The following NRG3 variants were observed in gnomAD, a reference collection of about 807,000 sequenced individuals.
NRG3 encodes the protein pro-neuregulin-3, membrane-bound isoform.
A neutral mutation model predicts 66.9 loss-of-function variants in NRG3; 31 were observed. The ratio of observed to expected loss-of-function variants is 0.46; its 90% CI spans 0.35 to 0.63. The LOEUF (loss-of-function observed/expected upper bound fraction) is 0.63. Among genes scored for constraint, NRG3 ranks in the 20% least tolerant of loss-of-function variants. The probability of loss-of-function intolerance (pLI) is 0.00; values close to 1 mark genes in which losing one functional copy is unlikely to be tolerated. For synonymous variants in NRG3, 393 were observed against 359.4 expected (o/e 1.09, Z -1.06); for missense variants, 910 against 878.9 (o/e 1.04, Z -0.45).
At chr10:81,971,111 G>A (rs2059917586) in intron 1 of NRG3, among the ~76,000 whole-genome samples, 1 of 152,178 alleles carries the variant, frequency 6.6e-6, no homozygotes, top group Admixed American at 6.6e-5. Flanking sequence ...TTGCACTCCA[G>A]CCTAGGCAAC....
At chr10:82,686,651 A>G (rs1038171942) in intron 2 of NRG3, among the ~76,000 whole-genome samples, 2 of 152,192 alleles carry the variant, frequency 1.3e-5, no homozygotes. Flanking sequence ...CCGCAGTCAT[A>G]TACGCAGTCT....
chr10:82,412,713 G>C lies in NRG3; in HGVS notation c.953+53845G>C, dbSNP rs531682771. ...CTACAGCAGAACTGCTTTCAAAATT[G>C]GAGTCAATCCTCTCAACTACTGCCA... is the stretch of plus-strand genomic sequence containing the variant. On this transcript the variant is annotated intron_variant, in intron 2 of 8. Transcript: ENST00000372141. Among the ~76,000 whole-genome samples, 60 of 152,242 alleles carry C rather than the reference G, an allele frequency of 3.9e-4. 1 individual carries two copies. In the South Asian group the frequency reaches 0.012, roughly 31 times the overall value.
At chr10:82,154,377 A>G (rs1242732792) in intron 1 of NRG3, among the ~76,000 whole-genome samples, 2 of 151,988 alleles carry the variant, frequency 1.3e-5, no homozygotes, top group East Asian at 3.9e-4. Context: ...AAATCAATTG[A>G]CTATAAATGT....
chr10:82,675,364 C>G (rs2053609563), intron 2 of NRG3, among the ~76,000 whole-genome samples: 1 of 152,098 alleles, frequency 6.6e-6, no homozygotes, highest in Admixed American at 6.6e-5. Context: ...GGAAATGTTC[C>G]TCCTGTGTGC....
At chr10:81,969,122 G>A (rs922228545) in intron 1 of NRG3, among the ~76,000 whole-genome samples, 8 of 152,108 alleles carry the variant, frequency 5.3e-5, no homozygotes, top group Admixed American at 3.3e-4. Context: ...GTAAGAGAAG[G>A]ACATGACCGT....
intron 1 of NRG3, among the ~76,000 whole-genome samples, chr10:82,343,506 T>C (rs1474594379): frequency 6.6e-6 from 1 of 152,098 alleles, no homozygotes; most frequent in Non-Finnish European, 1.5e-5. Flanking sequence ...TTTGATTACA[T>C]TACCAATGTC....
intron 2 of NRG3, among the ~76,000 whole-genome samples, chr10:82,484,338 C>G (rs1010667381): frequency 6.6e-6 from 1 of 152,168 alleles, no homozygotes; most frequent in African/African-American, 2.4e-5. Flanking sequence ...AAGATTTAAC[C>G]TCACTGAGCC....
intron 3 of NRG3, among the ~76,000 whole-genome samples, chr10:82,783,411 C>A (rs1056807683): frequency 6.6e-6 from 1 of 151,486 alleles, no homozygotes; most frequent in African/African-American, 2.4e-5. Flanking sequence ...AAGAGGAAAT[C>A]AAATTGTCCC....
At chr10:82,120,607 A>C (rs1405389056) in intron 1 of NRG3, among the ~76,000 whole-genome samples, 1 of 152,100 alleles carries the variant, frequency 6.6e-6, no homozygotes, top group East Asian at 1.9e-4. Flanking sequence ...TTTATTTTTA[A>C]AGAAGATGTT....
intron 2 of NRG3, among the ~76,000 whole-genome samples, chr10:82,531,261 T>C (rs1288947553): frequency 6.6e-6 from 1 of 151,770 alleles, no homozygotes; most frequent in African/African-American, 2.4e-5. Flanking sequence ...AATAATGCCA[T>C]CTTTTCAAGA....
At chr10:82,774,065 T>C (rs1475168480) in intron 3 of NRG3, among the ~76,000 whole-genome samples, 6 of 152,228 alleles carry the variant, frequency 3.9e-5, no homozygotes, top group Non-Finnish European at 1.5e-5. Flanking sequence ...TTGGTCATCA[T>C]GTATAATTTT....
chr10:82,797,195 C>T (rs1208224426), intron 3 of NRG3, among the ~76,000 whole-genome samples: 1 of 152,166 alleles, frequency 6.6e-6, no homozygotes, highest in Non-Finnish European at 1.5e-5. Context: ...CCTTCTAATT[C>T]TCCTGCAGCT....
At chr10:82,199,762 G>A (rs1022110182) in intron 1 of NRG3, among the ~76,000 whole-genome samples, 1 of 151,990 alleles carries the variant, frequency 6.6e-6, no homozygotes, top group Non-Finnish European at 1.5e-5. Context: ...ATCTACACTT[G>A]GTGCCTACAA....
chr10:82,053,304 A>G (rs11192315), intron 1 of NRG3, among the ~76,000 whole-genome samples: 36,581 of 152,046 alleles, frequency 0.24, 4,521 homozygotes, highest in Middle Eastern at 0.33. Context: ...TATTAAAGGC[A>G]GAAGGATGAG....
At chr10:81,931,927 T>A (rs989081657) in intron 1 of NRG3, among the ~76,000 whole-genome samples, 1 of 152,182 alleles carries the variant, frequency 6.6e-6, no homozygotes, top group Non-Finnish European at 1.5e-5. Context: ...GTCTGAACTC[T>A]GGGCAATTCA....
intron 1 of NRG3, among the ~76,000 whole-genome samples, chr10:82,072,641 A>G (rs2064872076): frequency 6.6e-6 from 1 of 152,086 alleles, no homozygotes; most frequent in Non-Finnish European, 1.5e-5. Context: ...CTGAAAGTAC[A>G]TACACAAGAA....
chr10:82,746,816 C>T (rs7084961), intron 3 of NRG3, among the ~76,000 whole-genome samples: 8,259 of 152,154 alleles, frequency 0.054, 684 homozygotes, highest in African/African-American at 0.17. Flanking sequence ...TGGATGCTCA[C>T]GCTTGTAATC....
At chr10:82,202,990 A>G (rs572406933) in intron 1 of NRG3, among the ~76,000 whole-genome samples, 22 of 152,306 alleles carry the variant, frequency 1.4e-4, no homozygotes, top group African/African-American at 5.1e-4. Context: ...TATGTGTTAG[A>G]TTAACTGGAG....
At chr10:82,345,014 G>T (rs2082917122) in intron 1 of NRG3, among the ~76,000 whole-genome samples, 2 of 114,910 alleles carry the variant, frequency 1.7e-5, no homozygotes, top group African/African-American at 1.1e-4. Context: ...TTTGTAGGTT[G>T]CCTGTTCACT....
Sources: gnomAD v4.1 joint callset for allele counts (sites outside exome capture counted in the v4.1 genomes callset) on GRCh38, gnomAD v4.1.1 for gene constraint, MANE v1.5 for transcripts, NCBI Gene and HGNC (gene_info 2026-07-23, HGNC 2026-07-21) for gene names.